The following YWHAQ variants were observed in gnomAD, a reference collection of about 807,000 sequenced individuals.
YWHAQ encodes tyrosine 3-monooxygenase/tryptophan 5-monooxygenase activation protein theta, also known as 14-3-3 protein theta.
A neutral mutation model predicts 28.3 loss-of-function variants in YWHAQ; 6 were observed. That is an observed-to-expected ratio of 0.21 (90% CI 0.12 to 0.42). The LOEUF (loss-of-function observed/expected upper bound fraction) is 0.42, where lower values mean the gene tolerates loss of function less well. YWHAQ is among the 10% of genes least tolerant of loss of function. The pLI is 1.00. For synonymous variants in YWHAQ, 143 were observed against 119.1 expected, an observed-to-expected ratio of 1.20 and a Z score of -1.31; for missense variants, 201 against 305.6, an observed-to-expected ratio of 0.66 and a Z score of 2.55.
chr2:9,593,236 C>CTTTT lies in YWHAQ; in HGVS notation c.295-1725_295-1722dup, dbSNP rs34085406. Among the ~76,000 whole-genome samples, 25 of 114,924 alleles carry CTTTT rather than the reference C, an allele frequency of 2.2e-4. 1 individual carries two copies. Among genetic ancestry groups the CTTTT allele is most frequent in the African/African-American group, 6.1e-4 (19 of 30,948 alleles). The allele number at this position is 114,924 out of a possible 152,430, so 75.4% of individuals were successfully genotyped here. ...CAAAATGCAATCACTGCATCCATGT[C>CTTTT]TTTTTTTTTTTTTTTTTTTTTGAGA... On this transcript the variant is annotated intron_variant, in intron 2 of 5. Transcript: ENST00000238081.
intron 2 of YWHAQ, among the ~76,000 whole-genome samples, chr2:9,626,707 A>T (rs929928832): frequency 7.2e-5 from 11 of 152,374 alleles, no homozygotes; most frequent in African/African-American, 2.6e-4. Context: ...CTGGGATTAC[A>T]GGCATGAGCC....
intron 2 of YWHAQ, among the ~76,000 whole-genome samples, chr2:9,598,852 T>C (rs1323245603): frequency 6.6e-6 from 1 of 152,192 alleles, no homozygotes; most frequent in African/African-American, 2.4e-5. Context: ...TAATTAAGTG[T>C]TCAAGTGAAA....
At chr2:9,598,847 A>C (rs1425720533) in intron 2 of YWHAQ, among the ~76,000 whole-genome samples, 2 of 152,220 alleles carry the variant, frequency 1.3e-5, no homozygotes. Flanking sequence ...GCCTTTAATT[A>C]AGTGTTCAAG....
At chr2:9,626,107 T>C (rs1345655093) in intron 2 of YWHAQ, among the ~76,000 whole-genome samples, 1 of 152,224 alleles carries the variant, frequency 6.6e-6, no homozygotes, top group East Asian at 1.9e-4. Flanking sequence ...ATTCCCTACA[T>C]ACTATTTTAA....
At chr2:9,599,878 T>C (rs989298928) in intron 2 of YWHAQ, among the ~76,000 whole-genome samples, 8 of 152,206 alleles carry the variant, frequency 5.3e-5, no homozygotes, top group South Asian at 2.1e-4. Flanking sequence ...CGTAAGGCCA[T>C]AGCTGTCATA....
At chr2:9,611,418 T>C (rs1666944851) in intron 2 of YWHAQ, among the ~76,000 whole-genome samples, 1 of 152,212 alleles carries the variant, frequency 6.6e-6, no homozygotes, top group Admixed American at 6.5e-5. Context: ...TTCCTGGTTT[T>C]ATGCACCAGT....
At chr2:9,607,821 C>T (rs954910039) in intron 2 of YWHAQ, among the ~76,000 whole-genome samples, 1 of 150,592 alleles carries the variant, frequency 6.6e-6, no homozygotes, top group Non-Finnish European at 1.5e-5. Context: ...AAGCAATTCT[C>T]CTGCCTCAGC....
chr2:9,616,706 C>T (rs1667047511), intron 2 of YWHAQ, among the ~76,000 whole-genome samples: 1 of 152,196 alleles, frequency 6.6e-6, no homozygotes, highest in Non-Finnish European at 1.5e-5. Context: ...GATACCATTT[C>T]ATATCCACCA....
chr2:9,630,363 G>A lies in YWHAQ; in HGVS notation c.90C>T (p.Thr30=). The A allele has an allele frequency of 1.2e-6, 2 of 1,614,100 alleles. No homozygotes were observed. Among genetic ancestry groups the A allele is most frequent in the South Asian group, 1.1e-5 (1 of 91,078 alleles). The change falls in exon 2 of 6, where the codon ACC becomes ACT. Residue 30 remains threonine (T), a synonymous_variant. Transcript: ENST00000238081. This position sits in a 1 kb window ranked among gnomAD's most constrained non-coding sequence, Gnocchi z 5.6. ...CGTTGGACAGCTCGGCGCCCTGCTC[G>A]GTCACTGCCTTCATGCAGGTGGCCA... ...DDMATCMKAV[T]EQGAELSNEE...
intron 2 of YWHAQ, among the ~76,000 whole-genome samples, chr2:9,618,218 A>G (rs1339187766): frequency 1.3e-5 from 2 of 152,220 alleles, no homozygotes; most frequent in Admixed American, 1.3e-4. Context: ...AAACCACAGA[A>G]TCATATTTAA....
intron 2 of YWHAQ, among the ~76,000 whole-genome samples, chr2:9,614,527 A>C (rs1048248826): frequency 2.6e-5 from 4 of 152,222 alleles, no homozygotes; most frequent in Non-Finnish European, 1.5e-5. Flanking sequence ...TCATAAAGTA[A>C]TCAAAATGGA....
Position 9,630,374 on chromosome 2 carries a change from T to G in YWHAQ, c.79A>C (p.Lys27Gln), listed in dbSNP as rs1277401819. 2 of 1,613,910 alleles carry G rather than the reference T, an allele frequency of 1.2e-6. No homozygotes were observed. The highest frequency in any genetic ancestry group is 2.2e-5 in the South Asian group (2 of 91,086). ...TCGGCGCCCTGCTCGGTCACTGCCT[T>G]CATGCAGGTGGCCATGTCGTCGTAG... is the stretch of plus-strand genomic sequence containing the variant. ...ERYDDMATCM[K>Q]AVTEQGAELS... The change falls in exon 2 of 6, where the codon AAG (lysine) becomes CAG (glutamine). Residue 27 changes from lysine to glutamine, a missense_variant. Physicochemically the swap from Lys to Gln is moderately conservative, Grantham distance 53 (BLOSUM62 1). Transcript: ENST00000238081. The surrounding 1 kb of genome is among the most constrained non-coding windows in gnomAD (Gnocchi z 5.6).
In YWHAQ at chr2:9,630,062, G is replaced by A. The variant is rs1449109639; in HGVS notation, c.294+97C>T. On this transcript the variant is annotated intron_variant, in intron 2 of 5. Coordinates refer to ENST00000238081, the MANE Select transcript of YWHAQ (RefSeq NM_006826.4). This position sits in a 1 kb window ranked among gnomAD's most constrained non-coding sequence, Gnocchi z 5.6. ...AACCCTCCACCCCAGCAGACAGTCC[G>A]GCAAGCCCCGGCTCACGTTTGTTTC... 2.7e-6 allele frequency: 4 copies of A among 1,503,658 alleles called. No individual in the cohort carries two copies. In the African/African-American group the frequency reaches 4.1e-5, roughly 16 times the overall value. The allele number at this position is 1,503,658 out of a possible 1,614,324, so 93.1% of individuals were successfully genotyped here.
chr2:9,618,734 G>C (rs987724541), intron 2 of YWHAQ, among the ~76,000 whole-genome samples: 6 of 149,018 alleles, frequency 4.0e-5, no homozygotes, highest in Non-Finnish European at 7.4e-5. Flanking sequence ...GGCTGGTCTC[G>C]AATTCCTGGA....
chr2:9,585,780 G>T (rs943171697), intron 5 of YWHAQ, among the ~76,000 whole-genome samples: 1 of 152,122 alleles, frequency 6.6e-6, no homozygotes, highest in Admixed American at 6.6e-5. Flanking sequence ...GTACGGGGTG[G>T]TGTGTGCCTA....
intron 2 of YWHAQ, chr2:9,628,816 G>C (rs1667296680): frequency 6.6e-6 from 1 of 152,154 alleles, no homozygotes; most frequent in South Asian, 2.1e-4. Flanking sequence ...AGAATACAAC[G>C]AAGTTTTGAC....
At chr2:9,588,508 C>T (rs1666393604) in intron 3 of YWHAQ, among the ~76,000 whole-genome samples, 180 bp from the exon 4 acceptor site, 1 of 152,100 alleles carries the variant, frequency 6.6e-6, no homozygotes. Flanking sequence ...CGGTGGCTCA[C>T]GCCTATAATC....
chr2:9,608,456 C>G (rs902468723), intron 2 of YWHAQ, among the ~76,000 whole-genome samples: 2 of 152,158 alleles, frequency 1.3e-5, no homozygotes, highest in African/African-American at 2.4e-5. Context: ...AGCAGAAACT[C>G]GAACCTATGT....
intron 2 of YWHAQ, chr2:9,615,326 T>C (rs1310618996): frequency 6.6e-6 from 1 of 152,134 alleles, no homozygotes; most frequent in Non-Finnish European, 1.5e-5. Context: ...ATCAAACTCC[T>C]TGTTCTACTC....
Sources: gnomAD v4.1 joint callset for allele counts (sites outside exome capture counted in the v4.1 genomes callset) on GRCh38, gnomAD v4.1.1 for gene constraint, Gnocchi (gnomAD v3.1) non-coding constraint, MANE v1.5 for transcripts, NCBI Gene and HGNC (gene_info 2026-07-23, HGNC 2026-07-21) for gene names.